The following IL1R1 variants were observed in gnomAD, a reference collection of about 807,000 sequenced individuals.
IL1R1 encodes the protein interleukin-1 receptor type 1.
A neutral mutation model predicts 50.2 loss-of-function variants in IL1R1; 22 were observed. The ratio of observed to expected loss-of-function variants is 0.44; its 90% CI spans 0.31 to 0.63. The LOEUF (loss-of-function observed/expected upper bound fraction) is 0.63, where lower values mean the gene tolerates loss of function less well. Ranked by LOEUF, IL1R1 falls within the 20% of genes least tolerant of loss-of-function variation. The pLI, the probability that IL1R1 is intolerant of heterozygous loss-of-function variation, is 0.07. For synonymous variants in IL1R1, 251 were observed against 236.7 expected (o/e 1.06, Z -0.55); for missense variants, 509 against 676.2 (o/e 0.75, Z 2.74).
At chr2:102,083,367 C>T (rs1390179044) in intron 1 of IL1R1, among the ~76,000 whole-genome samples, 1 of 152,060 alleles carries the variant, frequency 6.6e-6, no homozygotes, top group Non-Finnish European at 1.5e-5. Flanking sequence ...ACCTTCTCCC[C>T]AGATGGATGG....
chr2:102,109,869 G>A (rs1019927760), intron 1 of IL1R1, among the ~76,000 whole-genome samples: 1 of 152,198 alleles, frequency 6.6e-6, no homozygotes, highest in Non-Finnish European at 1.5e-5. Flanking sequence ...GGGGGCCAAG[G>A]GCGGCTTCGT....
chr2:102,085,449 T>C (rs750698680), intron 1 of IL1R1, among the ~76,000 whole-genome samples: 2 of 152,176 alleles, frequency 1.3e-5, no homozygotes, highest in Admixed American at 6.5e-5. Context: ...ATCCAAATGA[T>C]TCAGTGCCAT....
At chr2:102,116,410 T>C (rs1382578607) in intron 1 of IL1R1, among the ~76,000 whole-genome samples, 1 of 152,242 alleles carries the variant, frequency 6.6e-6, no homozygotes, top group Non-Finnish European at 1.5e-5. Flanking sequence ...GCTTTTGCTT[T>C]TCCTTTTCAA....
At position 102,178,068 on chromosome 2, in the gene IL1R1, C is replaced by G. The variant is rs1168722675; in HGVS notation, c.*1309C>G. On this transcript the variant is annotated 3_prime_UTR_variant, in exon 12 of 12. Transcript: ENST00000410023. ...GCCATGTCGCCTGCCCCCAGCACTC[C>G]TCTGTCTCTGCTCTTGCCTGCACCC... 1 of 153,366 alleles carries G rather than the reference C, an allele frequency of 6.5e-6. No homozygotes were observed. Among genetic ancestry groups the G allele is most frequent in the Non-Finnish European group, 1.5e-5 (1 of 68,616 alleles). The allele number at this position is 153,366 out of a possible 1,614,324, so 9.5% of individuals were successfully genotyped here. A position where few individuals can be genotyped will look rare whatever the true frequency, so the allele number is the denominator to read the frequency against.
chr2:102,072,208 C>T (rs961089662), intron 1 of IL1R1, among the ~76,000 whole-genome samples: 32 of 149,376 alleles, frequency 2.1e-4, no homozygotes, highest in Admixed American at 1.9e-3. Flanking sequence ...TGCAGTGAGC[C>T]GAGATTGTGC....
Position 102,168,486 on chromosome 2 carries a change from C to G in IL1R1, c.656-112C>G, listed in dbSNP as rs541731442. On this transcript the variant is annotated intron_variant, in intron 6 of 11. Transcript: ENST00000410023. Reference sequence around the variant, plus strand: ...TCTCCTGGCATATGTGCTTTGAACACTTGATGGAATATCTGGCCAGAAGTC... The same window carrying G: ...TCTCCTGGCATATGTGCTTTGAACAGTTGATGGAATATCTGGCCAGAAGTC... The G allele has an allele frequency of 7.5e-5, 65 of 861,386 alleles. No homozygotes were observed. In the African/African-American group the frequency reaches 1.0e-3, roughly 14 times the overall value. The allele number at this position is 861,386 out of a possible 1,614,324, so 53.4% of individuals were successfully genotyped here.
chr2:102,137,526 C>G (rs1418097323), intron 1 of IL1R1, among the ~76,000 whole-genome samples: 1 of 152,104 alleles, frequency 6.6e-6, no homozygotes, highest in South Asian at 2.1e-4. Flanking sequence ...ACATGTGGCT[C>G]GAGCTTCCTA....
chr2:102,093,338 C>T (rs1443647809), intron 1 of IL1R1, among the ~76,000 whole-genome samples: 1 of 152,106 alleles, frequency 6.6e-6, no homozygotes, highest in Non-Finnish European at 1.5e-5. Context: ...CCTTGTGAGT[C>T]TTCATTTCTT....
chr2:102,145,855 GC>G (rs955020892), intron 1 of IL1R1, among the ~76,000 whole-genome samples: 3 of 152,146 alleles, frequency 2.0e-5, no homozygotes, highest in Admixed American at 2.0e-4. Flanking sequence ...TATTTTCAAA[GC>G]CCCCCAGGTA....
intron 1 of IL1R1, among the ~76,000 whole-genome samples, chr2:102,078,952 T>G (rs895359622): frequency 6.6e-6 from 1 of 152,080 alleles, no homozygotes; most frequent in Non-Finnish European, 1.5e-5. Flanking sequence ...AATCAATCAA[T>G]GTAATGCAAC....
At position 102,171,923 on chromosome 2, in the gene IL1R1, G is replaced by A; in HGVS notation, c.839+5G>A. On this transcript the variant is annotated splice_donor_5th_base_variant and intron_variant, in intron 8 of 11. Transcript: ENST00000410023. ...GCTAGGGGAAGACTATTACAGGTAT[G>A]TATGCTAAGAGTTATTCACATTTTG... is the stretch of plus-strand genomic sequence containing the variant. 1 of 1,413,038 alleles carries A rather than the reference G, an allele frequency of 7.1e-7. No individual in the cohort carries two copies. The highest frequency in any genetic ancestry group is 1.8e-5 in the Admixed American group (1 of 56,182). 87.5% of individuals were successfully genotyped at this position (1,413,038 alleles called of 1,614,324 possible).
At chr2:102,080,384 A>G (rs1329111590) in intron 1 of IL1R1, among the ~76,000 whole-genome samples, 7 of 152,232 alleles carry the variant, frequency 4.6e-5, no homozygotes, top group Non-Finnish European at 1.0e-4. Context: ...ATTAACAATA[A>G]AAAGACAACC....
At chr2:102,102,306 A>C (rs1680176753), upstream of IL1R1, among the ~76,000 whole-genome samples, 1 of 152,162 alleles carries the variant, frequency 6.6e-6, no homozygotes, top group Admixed American at 6.5e-5. Flanking sequence ...GTAACACTTG[A>C]AGAGCAATGC....
intron 9 of IL1R1, among the ~76,000 whole-genome samples, chr2:102,173,662 T>C (rs1198877801): frequency 6.6e-6 from 1 of 152,234 alleles, no homozygotes; most frequent in East Asian, 1.9e-4. Context: ...AAGATATCAG[T>C]TCTTCCCCAA....
At chr2:102,131,224 C>T (rs538304572) in intron 1 of IL1R1, among the ~76,000 whole-genome samples, 1 of 152,240 alleles carries the variant, frequency 6.6e-6, no homozygotes, top group East Asian at 1.9e-4. Context: ...GTCCTGTCTG[C>T]CGAGTCTTAA....
chr2:102,123,454 C>A (rs1681511813), intron 1 of IL1R1, among the ~76,000 whole-genome samples: 1 of 152,082 alleles, frequency 6.6e-6, no homozygotes, highest in Admixed American at 6.5e-5. Context: ...TAGGGGAAAT[C>A]TTTTTAAATT....
At chr2:102,096,768 C>G (rs1375576641) in intron 1 of IL1R1, among the ~76,000 whole-genome samples, 1 of 151,310 alleles carries the variant, frequency 6.6e-6, no homozygotes, top group South Asian at 2.1e-4. Flanking sequence ...CTTTTTAAAA[C>G]TTTTAATTTT....
chr2:102,073,904 A>G (rs759688874), intron 1 of IL1R1, among the ~76,000 whole-genome samples: 1 of 152,170 alleles, frequency 6.6e-6, no homozygotes, highest in Non-Finnish European at 1.5e-5. Flanking sequence ...ATGGACGTCA[A>G]CAATGCCCCT....
chr2:102,127,069 A>G (rs1681752011), intron 1 of IL1R1, among the ~76,000 whole-genome samples: 1 of 152,136 alleles, frequency 6.6e-6, no homozygotes, highest in Admixed American at 6.5e-5. Flanking sequence ...TTGACTGGTG[A>G]TCCAGATTTC....
Sources: gnomAD v4.1 joint callset for allele counts (sites outside exome capture counted in the v4.1 genomes callset) on GRCh38, gnomAD v4.1.1 for gene constraint, MANE v1.5 for transcripts, NCBI Gene and HGNC (gene_info 2026-07-23, HGNC 2026-07-21) for gene names.